MARCHF1: variants seen among roughly 807,000 people sequenced by gnomAD.
The protein encoded by MARCHF1 is E3 ubiquitin-protein ligase MARCHF1.
Under a neutral mutation model 54.2 loss-of-function variants are expected in MARCHF1, and 40 were observed. That is an observed-to-expected ratio of 0.74 (90% CI 0.57 to 0.96). The LOEUF is 0.96. MARCHF1 is among the 40% of genes least tolerant of loss of function. The pLI is 0.00. For synonymous variants in MARCHF1, 236 were observed against 236.3 expected, an observed-to-expected ratio of 1.00 and a Z score of 0.01; for missense variants, 586 against 656.5, an observed-to-expected ratio of 0.89 and a Z score of 1.17.
At chr4:164,001,753 T>C (rs72687968) in intron 2 of MARCHF1, among the ~76,000 whole-genome samples, 5,065 of 151,832 alleles carry the variant, frequency 0.033, 127 homozygotes, top group Non-Finnish European at 0.048. Flanking sequence ...GGATGGAATT[T>C]ACAACAGCAA....
At chr4:163,731,475 G>A (rs1260435681) in intron 4 of MARCHF1, among the ~76,000 whole-genome samples, 1 of 152,214 alleles carries the variant, frequency 6.6e-6, no homozygotes, top group African/African-American at 2.4e-5. Flanking sequence ...GCTGCCTGGA[G>A]AAAGTTTCCA....
chr4:163,906,817 T>C (rs1251823323), intron 3 of MARCHF1, among the ~76,000 whole-genome samples: 1 of 90,224 alleles, frequency 1.1e-5, no homozygotes, highest in Non-Finnish European at 2.5e-5. Flanking sequence ...AGATTTGATC[T>C]TGATATATAC....
intron 4 of MARCHF1, among the ~76,000 whole-genome samples, chr4:163,725,658 G>C (rs1278748158): frequency 6.6e-6 from 1 of 152,104 alleles, no homozygotes; most frequent in African/African-American, 2.4e-5. Flanking sequence ...ATGGTTGTAA[G>C]ACAGTATAGA....
chr4:163,744,539 C>A (rs1039865341), intron 4 of MARCHF1, among the ~76,000 whole-genome samples: 1 of 152,130 alleles, frequency 6.6e-6, no homozygotes, highest in African/African-American at 2.4e-5. Flanking sequence ...GAAAAACATA[C>A]TTAATTTGTT....
chr4:163,957,011 TAG>T (rs756521254), intron 3 of MARCHF1, among the ~76,000 whole-genome samples: 2 of 152,034 alleles, frequency 1.3e-5, no homozygotes, highest in Non-Finnish European at 2.9e-5. Context: ...CTTCCAAATG[TAG>T]AGACTCTATG....
intron 2 of MARCHF1, among the ~76,000 whole-genome samples, chr4:164,036,352 A>T (rs1342416332): frequency 2.6e-5 from 4 of 152,144 alleles, no homozygotes; most frequent in Non-Finnish European, 5.9e-5. Flanking sequence ...AGATTGAATG[A>T]CTGAAGCAAG....
chr4:164,109,208 T>A (rs568747560), intron 2 of MARCHF1, among the ~76,000 whole-genome samples: 1 of 152,060 alleles, frequency 6.6e-6, no homozygotes, highest in African/African-American at 2.4e-5. Flanking sequence ...TAATTTATGA[T>A]CATATAATCC....
chr4:164,296,147 T>C (rs1734404760), intron 1 of MARCHF1, among the ~76,000 whole-genome samples: 1 of 152,168 alleles, frequency 6.6e-6, no homozygotes. Flanking sequence ...TAAAAAGTAA[T>C]TAGTAATAAC....
intron 1 of MARCHF1, among the ~76,000 whole-genome samples, chr4:164,187,728 T>C (rs769100420): frequency 1.1e-4 from 17 of 152,236 alleles, no homozygotes; most frequent in Middle Eastern, 3.4e-3. Flanking sequence ...CAATACAACG[T>C]TTTTAGTAAT....
chr4:163,550,120 T>C (rs989162294), intron 8 of MARCHF1, among the ~76,000 whole-genome samples: 6 of 151,928 alleles, frequency 3.9e-5, no homozygotes, highest in Non-Finnish European at 8.8e-5. Context: ...CCGTCTCTAC[T>C]AGAATACAAA....
intron 1 of MARCHF1, among the ~76,000 whole-genome samples, chr4:164,346,859 T>C (rs1413929509): frequency 6.6e-6 from 1 of 152,018 alleles, no homozygotes; most frequent in Non-Finnish European, 1.5e-5. Context: ...ATTTTCATCA[T>C]ACCTAAAAGA....
In MARCHF1 at chr4:163,961,170, G is replaced by A. The variant is rs545092659; in HGVS notation, c.-39+27331C>T. On this transcript the variant is annotated intron_variant, in intron 3 of 9. Transcript: ENST00000514618. ...CAAATGTTTCTATTCATAGGCCTCA[G>A]CCTGTGAATTTTTGGGAGGGATACA... is the stretch of plus-strand genomic sequence containing the variant. Among the ~76,000 whole-genome samples the A allele has an allele frequency of 3.4e-4, 52 of 151,978 alleles. 1 individual carries two copies. The South Asian group carries it at 0.011, about 31-fold the overall frequency.
At chr4:163,828,699 T>A (rs1285407260) in intron 4 of MARCHF1, 2 of 152,086 alleles carry the variant, frequency 1.3e-5, no homozygotes, top group Admixed American at 1.3e-4. Context: ...GCAAAACATC[T>A]CATTGTGGAC....
intron 1 of MARCHF1, among the ~76,000 whole-genome samples, chr4:164,315,876 A>G (rs1734983723): frequency 6.6e-6 from 1 of 152,204 alleles, no homozygotes; most frequent in Non-Finnish European, 1.5e-5. Context: ...TTTTAGAGAT[A>G]ATTGGTATTA....
Position 163,996,650 on chromosome 4 carries a change from C to A in MARCHF1, c.-247-7941G>T, listed in dbSNP as rs141270522. On this transcript the variant is annotated intron_variant, in intron 2 of 9. Transcript: ENST00000514618. ...TCTTCCCCACCAATTCCTACAGAAT[C>A]CCCTATAGATATTATCTTCAATTTA... 2.1e-3 allele frequency among the ~76,000 whole-genome samples: 316 copies of A among 152,166 alleles called. 1 individual carries two copies. Among genetic ancestry groups the A allele is most frequent in the African/African-American group, 7.2e-3 (298 of 41,554 alleles).
chr4:164,014,395 TA>T (rs1455286283), intron 2 of MARCHF1, among the ~76,000 whole-genome samples: 1 of 152,014 alleles, frequency 6.6e-6, no homozygotes, highest in Non-Finnish European at 1.5e-5. Flanking sequence ...CAAAAACTTA[TA>T]ATAGATACAT....
chr4:164,274,578 G>A (rs1426158706), intron 1 of MARCHF1, among the ~76,000 whole-genome samples: 2 of 148,092 alleles, frequency 1.4e-5, no homozygotes, highest in South Asian at 4.3e-4. Context: ...AAGAGACTTA[G>A]TGCTGATTAG....
At chr4:163,946,577 T>C (rs1256178932) in intron 3 of MARCHF1, among the ~76,000 whole-genome samples, 1 of 152,226 alleles carries the variant, frequency 6.6e-6, no homozygotes, top group Non-Finnish European at 1.5e-5. Flanking sequence ...TCCCAATTTC[T>C]AATGAAATTA....
chr4:163,794,949 C>A (rs1204417143), intron 4 of MARCHF1, among the ~76,000 whole-genome samples: 3 of 152,156 alleles, frequency 2.0e-5, no homozygotes, highest in African/African-American at 7.2e-5. Flanking sequence ...AATCCTGCCT[C>A]CCCACCTTGC....
Sources: allele counts gnomAD v4.1 joint callset (sites outside exome capture counted in the v4.1 genomes callset), GRCh38; gene constraint gnomAD v4.1.1; transcripts MANE v1.5; gene names NCBI Gene and HGNC (gene_info 2026-07-23, HGNC 2026-07-21).